Variants in SENP6 observed in about 807,000 individuals in gnomAD.
SENP6 encodes sentrin-specific protease 6.
In SENP6, 41 loss-of-function variants were observed where a neutral mutation model predicts 134.5. The ratio of observed to expected loss-of-function variants is 0.30; its 90% CI spans 0.24 to 0.40. The LOEUF (loss-of-function observed/expected upper bound fraction) is 0.40. Among genes scored for constraint, SENP6 ranks in the 10% least tolerant of loss-of-function variants. SENP6 has a pLI of 1.00. For synonymous variants in SENP6, 395 were observed against 429.8 expected (o/e 0.92, Z 1.00); for missense variants, 1,248 against 1,312.5 (o/e 0.95, Z 0.76).
chr6:75,617,972 A>G (rs573467424), intron 1 of SENP6, among the ~76,000 whole-genome samples: 54 of 152,334 alleles, frequency 3.5e-4, no homozygotes, highest in African/African-American at 1.3e-3. Flanking sequence ...GGAAAGGATC[A>G]CAGTGCTGAA....
At position 75,718,165 on chromosome 6, in the gene SENP6, A is replaced by G. The variant is rs753672264; in HGVS notation, c.*2571A>G. 3 of 152,234 alleles carry G rather than the reference A, an allele frequency of 2.0e-5. No homozygotes were observed. Among genetic ancestry groups the G allele is most frequent in the Non-Finnish European group, 4.4e-5 (3 of 68,036 alleles). 9.4% of individuals were successfully genotyped at this position (152,234 alleles called of 1,614,324 possible). A position where few individuals can be genotyped will look rare whatever the true frequency, so the allele number is the denominator to read the frequency against. On this transcript the variant is annotated 3_prime_UTR_variant, in exon 24 of 24. Transcript: ENST00000447266. Reference sequence around the variant, plus strand: ...TTTTCTTTAAAAAAATGATCTCTGAAAACTGTGAGACAATGTAAAAAGAAT... The same window carrying G: ...TTTTCTTTAAAAAAATGATCTCTGAGAACTGTGAGACAATGTAAAAAGAAT...
intron 16 of SENP6, among the ~76,000 whole-genome samples, chr6:75,691,394 C>G (rs1192752567): frequency 1.3e-5 from 2 of 152,086 alleles, no homozygotes; most frequent in Non-Finnish European, 2.9e-5. Context: ...GTGCCCAGCC[C>G]AAAATCACTG....
At chr6:75,651,029 T>C (rs1344205558) in intron 7 of SENP6, among the ~76,000 whole-genome samples, 1 of 152,226 alleles carries the variant, frequency 6.6e-6, no homozygotes, top group Non-Finnish European at 1.5e-5. Context: ...GATAAGCAGT[T>C]CTTTACTATA....
intron 16 of SENP6, among the ~76,000 whole-genome samples, chr6:75,694,657 A>T (rs941967931): frequency 6.6e-6 from 1 of 152,136 alleles, no homozygotes; most frequent in African/African-American, 2.4e-5. Context: ...TGTGGTTTTT[A>T]TGAGTAGATT....
chr6:75,713,817 T>C lies in SENP6; in HGVS notation c.3121T>C (p.Phe1041Leu), dbSNP rs761727297. The C allele has an allele frequency of 6.4e-7, 1 of 1,571,196 alleles. No individual in the cohort carries two copies. Among genetic ancestry groups the C allele is most frequent in the Non-Finnish European group, 8.6e-7 (1 of 1,160,690 alleles). The change falls in exon 23 of 24, where the codon TTT becomes CTT. Residue 1041 changes from phenylalanine to leucine, a missense_variant. Phe to Leu is a conservative substitution (Grantham distance 22). This residue lies in a region of SENP6 where 386 missense variants were observed against 395.0 expected (regional missense o/e 0.98). Transcript: ENST00000447266. ...GVYVLQYVES[F>L]FENPILSFEL... ...ATATGTATTGCAGTATGTAGAGAGC[T>C]TTTTTGAGGTGGGTTTCAATTTGTT...
intron 16 of SENP6, among the ~76,000 whole-genome samples, chr6:75,689,077 T>A (rs1420078581): frequency 1.3e-5 from 2 of 151,662 alleles, no homozygotes; most frequent in Admixed American, 1.3e-4. Context: ...AAGAAAAAAA[T>A]TCAGCTGGGC....
In SENP6 at chr6:75,676,067, A is replaced by G; in HGVS notation, c.1621+13A>G. On this transcript the variant is annotated intron_variant, in intron 13 of 23. Coordinates refer to ENST00000447266, the MANE Select transcript of SENP6 (RefSeq NM_015571.4). Reference sequence around the variant, plus strand: ...AATAAATTAACAAGTAAGTTGTGTAAAACAGATTATAATAGATAATAATAG... The same window carrying G: ...AATAAATTAACAAGTAAGTTGTGTAGAACAGATTATAATAGATAATAATAG... The G allele has an allele frequency of 2.6e-6, 4 of 1,533,224 alleles. No homozygotes were observed. The highest frequency in any genetic ancestry group is 3.5e-6 in the Non-Finnish European group (4 of 1,128,718). The allele number at this position is 1,533,224 out of a possible 1,614,324, so 95.0% of individuals were successfully genotyped here. A position where few individuals can be genotyped will look rare whatever the true frequency, so the allele number is the denominator to read the frequency against.
intron 7 of SENP6, among the ~76,000 whole-genome samples, chr6:75,654,812 G>A (rs1050963792): frequency 1.1e-4 from 16 of 152,110 alleles, no homozygotes; most frequent in Admixed American, 9.2e-4. Flanking sequence ...CTTCTATTAT[G>A]AAAATGTTTA....
At chr6:75,602,991 A>G (rs1437710015) in intron 1 of SENP6, among the ~76,000 whole-genome samples, 1 of 152,164 alleles carries the variant, frequency 6.6e-6, no homozygotes, top group Admixed American at 6.5e-5. Flanking sequence ...TAGGGAGGGG[A>G]CAGACAGTTT....
chr6:75,715,992 G>A lies in SENP6; in HGVS notation c.*398G>A. ...TTCATGGGAATATTCAAATATCTAT[G>A]GTAATATTTTGACCCTTTATATTTG... On this transcript the variant is annotated 3_prime_UTR_variant, in exon 24 of 24. Transcript: ENST00000447266. 6.5e-6 allele frequency: 1 copy of A among 154,486 alleles called. No homozygotes were observed. The highest frequency in any genetic ancestry group is 1.4e-5 in the Non-Finnish European group (1 of 69,424). 9.6% of individuals were successfully genotyped at this position (154,486 alleles called of 1,614,324 possible). A position where few individuals can be genotyped will look rare whatever the true frequency, so the allele number is the denominator to read the frequency against.
intron 6 of SENP6, among the ~76,000 whole-genome samples, chr6:75,642,171 G>A (rs531756037): frequency 2.0e-5 from 3 of 152,220 alleles, no homozygotes; most frequent in Non-Finnish European, 2.9e-5. Flanking sequence ...AGTATTTATC[G>A]AACCTGCTGT....
At chr6:75,653,585 A>C (rs528462704) in intron 7 of SENP6, among the ~76,000 whole-genome samples, 17 of 151,934 alleles carry the variant, frequency 1.1e-4, no homozygotes, top group South Asian at 1.0e-3. Flanking sequence ...AATGTCAGGA[A>C]TGCCTACTGA....
chr6:75,716,631 A>T lies in SENP6; in HGVS notation c.*1037A>T, dbSNP rs1776032168. 1 of 151,972 alleles carries T rather than the reference A, an allele frequency of 6.6e-6. No individual in the cohort carries two copies. Among genetic ancestry groups the T allele is most frequent in the Non-Finnish European group, 1.5e-5 (1 of 67,826 alleles). The allele number at this position is 151,972 out of a possible 1,614,324, so 9.4% of individuals were successfully genotyped here. On this transcript the variant is annotated 3_prime_UTR_variant, in exon 24 of 24. Coordinates refer to ENST00000447266, the MANE Select transcript of SENP6 (RefSeq NM_015571.4). ...AATCTTTGAATTCCCCTTTAAAATA[A>T]CTAAAATTTGATGGTTTCCATGACA...
intron 16 of SENP6, chr6:75,679,418 C>T (rs1037779318): frequency 1.3e-5 from 2 of 155,320 alleles, no homozygotes; most frequent in African/African-American, 4.8e-5. Flanking sequence ...CACCCACCCC[C>T]GAAAACAGGA....
chr6:75,668,011 C>T (rs1772379458), intron 10 of SENP6, among the ~76,000 whole-genome samples: 1 of 152,074 alleles, frequency 6.6e-6, no homozygotes, highest in African/African-American at 2.4e-5. Flanking sequence ...TGTGTTTATA[C>T]ATGTCAGTGT....
At position 75,621,573 on chromosome 6, in the gene SENP6, AAT is replaced by A. The variant is rs752274690; in HGVS notation, c.96_97del (p.Asn32LysfsTer5). 1.9e-6 allele frequency: 3 copies of A among 1,612,184 alleles called. No individual in the cohort carries two copies. In the African/African-American group the frequency reaches 4.0e-5, roughly 22 times the overall value. On this transcript the variant is annotated frameshift_variant, in exon 2 of 24. Transcript: ENST00000447266. LOFTEE classifies it high-confidence loss of function. Reference protein sequence around the residue: ...SESKRDGGFKNNWSFDHEEES... With the variant: ...SESKRDGGFKXNWSFDHEEES... ...GTCTAAGAGAGATGGAGGTTTTAAA[AAT>A]AATTGGAGCTTTGATCATGAAGAAG...
intron 7 of SENP6, among the ~76,000 whole-genome samples, chr6:75,652,855 T>A (rs1227792139): frequency 6.6e-6 from 1 of 152,136 alleles, no homozygotes; most frequent in African/African-American, 2.4e-5. Context: ...TCTTATATTT[T>A]CTTCATAACT....
At chr6:75,626,752 A>T (rs1768726751) in intron 3 of SENP6, among the ~76,000 whole-genome samples, 1 of 152,150 alleles carries the variant, frequency 6.6e-6, no homozygotes, top group Non-Finnish European at 1.5e-5. Context: ...AGCCATTCCC[A>T]CTAGCAGTGT....
At chr6:75,676,198 T>TA (rs1381248259) in intron 13 of SENP6, 144 bp downstream of exon 13, 1 of 505,070 alleles carries the variant, frequency 2.0e-6, no homozygotes, top group Non-Finnish European at 3.3e-6. Flanking sequence ...GTGAAATAGA[T>TA]ATTACTTTCT....
Sources: allele counts gnomAD v4.1 joint callset (sites outside exome capture counted in the v4.1 genomes callset), GRCh38; gene constraint gnomAD v4.1.1; regional missense constraint gnomAD v4.1.1; transcripts MANE v1.5; gene names NCBI Gene and HGNC (gene_info 2026-07-23, HGNC 2026-07-21).